Variants in CSN2 observed in about 807,000 individuals in gnomAD.
CSN2 encodes beta-casein.
Under a neutral mutation model 27.3 loss-of-function variants are expected in CSN2, and 27 were observed. The ratio of observed to expected loss-of-function variants is 0.99; its 90% CI spans 0.73 to 1.36. The LOEUF (loss-of-function observed/expected upper bound fraction) is 1.36. Among genes scored for constraint, CSN2 ranks in the 40% most tolerant of loss-of-function variants. The probability of loss-of-function intolerance (pLI) is 0.00; values close to 1 mark genes in which losing one functional copy is unlikely to be tolerated. For synonymous variants in CSN2, 131 were observed against 94.8 expected (o/e 1.38, Z -2.22); for missense variants, 333 against 264.5 (o/e 1.26, Z -1.80).
At chr4:69,961,760 G>A (rs955316573) in intron 1 of CSN2, among the ~76,000 whole-genome samples, 12 of 152,098 alleles carry the variant, frequency 7.9e-5, no homozygotes, top group African/African-American at 2.9e-4. Flanking sequence ...AGGAAATAAA[G>A]GTCATTCAAT....
chr4:69,958,786 T>C, intron 5 of CSN2, 123 bp downstream of exon 5: 3 of 589,136 alleles, frequency 5.1e-6, no homozygotes, highest in African/African-American at 1.9e-5. Flanking sequence ...TTTAAAGTGG[T>C]TGGTGGGTAT....
At chr4:69,964,522 G>C (rs896780844) in intron 1 of CSN2, among the ~76,000 whole-genome samples, 3 of 151,724 alleles carry the variant, frequency 2.0e-5, no homozygotes, top group African/African-American at 7.3e-5. Context: ...ATATTTGAAG[G>C]TTGAACATAA....
chr4:69,965,254 T>C (rs987835062), intron 1 of CSN2, among the ~76,000 whole-genome samples: 1 of 151,372 alleles, frequency 6.6e-6, no homozygotes, highest in African/African-American at 2.4e-5. Flanking sequence ...TGCTGTAAAC[T>C]ACCTGCTGGA....
chr4:69,959,135 G>A, intron 3 of CSN2, 66 bp from the exon 4 acceptor site: 1 of 1,088,554 alleles, frequency 9.2e-7, no homozygotes, highest in Admixed American at 3.0e-5. Context: ...ATATAAATCA[G>A]GAAATAAAGG....
chr4:69,965,401 C>A (rs1723767097), intron 1 of CSN2, among the ~76,000 whole-genome samples: 1 of 102,332 alleles, frequency 9.8e-6, no homozygotes, highest in African/African-American at 3.9e-5. Flanking sequence ...TATGAACTAG[C>A]CTCATACTAT....
At chr4:69,957,059 C>T (rs573604471) in intron 6 of CSN2, among the ~76,000 whole-genome samples, 14 of 152,120 alleles carry the variant, frequency 9.2e-5, no homozygotes, top group South Asian at 8.3e-4. Flanking sequence ...TGTTAAATGA[C>T]GAGTTAATGG....
At chr4:69,962,889 GA>G (rs1365385767) in intron 1 of CSN2, among the ~76,000 whole-genome samples, 3 of 151,862 alleles carry the variant, frequency 2.0e-5, no homozygotes, top group East Asian at 1.9e-4. Context: ...AAATTTACAA[GA>G]AAAAAACAAA....
rs202142721 is a variant in CSN2, at chr4:69,957,752, T to G, written c.197A>C (p.Tyr66Ser). The change falls in exon 6 of 8, where the codon TAT becomes TCT. Residue 66 changes from tyrosine (Y) to serine (S), a missense_variant. By Grantham distance (144) the Tyr-to-Ser change is moderately radical. Coordinates refer to ENST00000353151, the MANE Select transcript of CSN2 (RefSeq NM_001891.4). ...ATAGGGGATAGGTTCAACGAATGGA[T>G]AGATCAGAGGCTGTGGCTGGAAAGA... ...YPSFQPQPLI[Y>S]PFVEPIPYGF... 1.1e-5 allele frequency: 18 copies of G among 1,613,858 alleles called. No homozygotes were observed. Among genetic ancestry groups the G allele is most frequent in the Non-Finnish European group, 1.5e-5 (18 of 1,179,960 alleles).
rs200552934 is a variant in CSN2 at position 69,957,325 on chromosome 4, G to A, written c.624C>T (p.His208=). Residue 208 remains histidine, a synonymous_variant, in exon 6 of 8, where the codon CAC becomes CAT. Coordinates refer to ENST00000353151, the MANE Select transcript of CSN2 (RefSeq NM_001891.4). ...LNQELLLNPT[H]QIYPVTQPLA... is the part of the protein sequence containing the mutation. ...GTGGCTGAGTCACAGGGTAGATCTGGTGGGTGGGGTTAAGTAGAAGTTCTT... is the reference window on the plus strand; with the variant it reads ...GTGGCTGAGTCACAGGGTAGATCTGATGGGTGGGGTTAAGTAGAAGTTCTT... 4 of 1,605,120 alleles carry A rather than the reference G, an allele frequency of 2.5e-6. No homozygotes were observed. In the South Asian group the frequency reaches 4.5e-5, roughly 18 times the overall value.
rs889045886 is a variant in CSN2, at chr4:69,965,697, A to T, written c.-29T>A. On this transcript the variant is annotated 5_prime_UTR_variant, in exon 1 of 8. Coordinates refer to ENST00000353151, the MANE Select transcript of CSN2 (RefSeq NM_001891.4). ...AATTCTTACCGTTTTTCCAAGATTG[A>T]AGAGAAGTGAAGGTAGTGCTGGATG... is the stretch of plus-strand genomic sequence containing the variant. Among the ~76,000 whole-genome samples the T allele has an allele frequency of 9.2e-5, 14 of 151,880 alleles. No individual in the cohort carries two copies. Among genetic ancestry groups the T allele is most frequent in the Admixed American group, 6.6e-5 (1 of 15,186 alleles).
At chr4:69,963,452 T>C (rs916682856) in intron 1 of CSN2, among the ~76,000 whole-genome samples, 1 of 152,074 alleles carries the variant, frequency 6.6e-6, no homozygotes, top group East Asian at 1.9e-4. Context: ...TGGATGAAGC[T>C]GGAAACCATC....
chr4:69,959,945 C>T (rs1393554623), intron 3 of CSN2, 108 bp downstream of exon 3: 2 of 929,718 alleles, frequency 2.2e-6, no homozygotes, highest in East Asian at 2.5e-5. Context: ...TGTACTAGAA[C>T]TTATATGTCA....
chr4:69,960,935 G>T lies in CSN2; in HGVS notation c.51+10C>A, dbSNP rs1006189006. 1 of 1,611,620 alleles carries T rather than the reference G, an allele frequency of 6.2e-7. No individual in the cohort carries two copies. Among genetic ancestry groups the T allele is most frequent in the South Asian group, 1.1e-5 (1 of 90,960 alleles). ...ATTGATTGTTTAGGAATTTTTTCTT[G>T]TGCACATACCTCCCTTGCAAGAGCA... On this transcript the variant is annotated intron_variant, in intron 2 of 7. Coordinates refer to ENST00000353151, the MANE Select transcript of CSN2 (RefSeq NM_001891.4).
At chr4:69,963,732 A>G (rs1373933117) in intron 1 of CSN2, among the ~76,000 whole-genome samples, 1 of 152,172 alleles carries the variant, frequency 6.6e-6, no homozygotes, top group Non-Finnish European at 1.5e-5. Context: ...AACTTAAAGT[A>G]TAATAATAAT....
At chr4:69,962,533 T>C (rs570118661) in intron 1 of CSN2, among the ~76,000 whole-genome samples, 2 of 152,198 alleles carry the variant, frequency 1.3e-5, no homozygotes, top group Admixed American at 1.3e-4. Flanking sequence ...GCTAGCCATA[T>C]GTAGAAAGCT....
At chr4:69,964,552 T>C (rs1026775509) in intron 1 of CSN2, among the ~76,000 whole-genome samples, 3 of 151,818 alleles carry the variant, frequency 2.0e-5, no homozygotes, top group African/African-American at 7.2e-5. Flanking sequence ...AGAAAACAAA[T>C]ATTTTTTCTA....
intron 1 of CSN2, among the ~76,000 whole-genome samples, chr4:69,965,011 C>A (rs577301256): frequency 1.3e-5 from 2 of 151,284 alleles, no homozygotes; most frequent in East Asian, 3.9e-4. Context: ...TCTTTTCTAC[C>A]CCATTAAGAA....
chr4:69,960,101 A>G (rs753153446), intron 2 of CSN2, 22 bp from the exon 3 acceptor site: 1 of 1,608,100 alleles, frequency 6.2e-7, no homozygotes, highest in African/African-American at 1.3e-5. Flanking sequence ...AAAAATTGAC[A>G]ACCAGCTAAA....
chr4:69,957,901 T>A, intron 5 of CSN2, 97 bp from the exon 6 acceptor site: 1 of 1,092,812 alleles, frequency 9.2e-7, no homozygotes, highest in Non-Finnish European at 1.3e-6. Flanking sequence ...GATAAATGAG[T>A]AAAAAGAGAG....
Sources: gnomAD v4.1 joint callset for allele counts (sites outside exome capture counted in the v4.1 genomes callset) on GRCh38, gnomAD v4.1.1 for gene constraint, MANE v1.5 for transcripts, NCBI Gene and HGNC (gene_info 2026-07-23, HGNC 2026-07-21) for gene names.